PTPRT: variants seen among roughly 807,000 people sequenced by gnomAD.
PTPRT encodes the protein protein tyrosine phosphatase receptor type T, also known as receptor-type tyrosine-protein phosphatase T.
In PTPRT, 56 loss-of-function variants were observed where a neutral mutation model predicts 176.8. The ratio of observed to expected loss-of-function variants is 0.32; its 90% CI spans 0.26 to 0.40. PTPRT has a LOEUF of 0.40. Among genes scored for constraint, PTPRT ranks in the 10% least tolerant of loss-of-function variants. The pLI is 1.00. For synonymous variants in PTPRT, 783 were observed against 739.0 expected (o/e 1.06, Z -0.96); for missense variants, 1,540 against 1,908.2 (o/e 0.81, Z 3.60).
chr20:42,762,792 G>A (rs902032551), intron 5 of PTPRT, among the ~76,000 whole-genome samples: 1 of 152,350 alleles, frequency 6.6e-6, no homozygotes, highest in South Asian at 2.1e-4. Flanking sequence ...GCATTTTACA[G>A]CCTAATCGGT....
At chr20:43,126,098 C>G (rs1004632447) in intron 1 of PTPRT, among the ~76,000 whole-genome samples, 9 of 152,030 alleles carry the variant, frequency 5.9e-5, no homozygotes, top group African/African-American at 1.9e-4. Context: ...CCCTTTAATC[C>G]CAGCACTTTG....
Position 42,074,310 on chromosome 20 carries a change from T to G in PTPRT, c.*6569A>C, listed in dbSNP as rs1252741314. 2 of 231,390 alleles carry G rather than the reference T, an allele frequency of 8.6e-6. No homozygotes were observed. Among genetic ancestry groups the G allele is most frequent in the African/African-American group, 4.4e-5 (2 of 45,220 alleles). 14.3% of individuals were successfully genotyped at this position (231,390 alleles called of 1,614,324 possible). On this transcript the variant is annotated 3_prime_UTR_variant, in exon 31 of 31. Coordinates refer to ENST00000373187, the MANE Select transcript of PTPRT (RefSeq NM_007050.6). ...CATAAGCCCAAAGGCACTGAAGTAA[T>G]TGTACAGAGACTCAATTTTGTAATT...
intron 6 of PTPRT, among the ~76,000 whole-genome samples, chr20:42,753,492 T>C (rs2076791581): frequency 6.6e-6 from 1 of 152,116 alleles, no homozygotes; most frequent in African/African-American, 2.4e-5. Flanking sequence ...TGTAATAAAA[T>C]TACACCTTGA....
At chr20:42,622,505 G>A (rs1225478784) in intron 7 of PTPRT, among the ~76,000 whole-genome samples, 3 of 152,134 alleles carry the variant, frequency 2.0e-5, no homozygotes, top group African/African-American at 7.2e-5. Context: ...TTCCCAAAGT[G>A]CTGGCATTAC....
At chr20:42,139,629 C>T (rs1988530884) in intron 18 of PTPRT, among the ~76,000 whole-genome samples, 1 of 152,242 alleles carries the variant, frequency 6.6e-6, no homozygotes, top group Non-Finnish European at 1.5e-5. Context: ...TGTGCCTGGG[C>T]AGGGGATCCT....
At chr20:42,064,957 G>A in the PTPRT span, among the ~76,000 whole-genome samples, 1 of 152,174 alleles carries the variant, frequency 6.6e-6, no homozygotes. Context: ...GAAGATATGG[G>A]CTATGTAATT....
chr20:42,656,429 T>G (rs1261238967), intron 7 of PTPRT, among the ~76,000 whole-genome samples: 1 of 152,306 alleles, frequency 6.6e-6, no homozygotes, highest in South Asian at 2.1e-4. Context: ...TAAAAGCCAT[T>G]GATTATCAGC....
chr20:42,232,357 T>G (rs1285313544), intron 15 of PTPRT, among the ~76,000 whole-genome samples: 1 of 152,178 alleles, frequency 6.6e-6, no homozygotes, highest in East Asian at 1.9e-4. Flanking sequence ...AAGTCAGTGA[T>G]TCTCTAACAT....
chr20:42,878,919 CTCG>C (rs2078973400), intron 2 of PTPRT, among the ~76,000 whole-genome samples: 1 of 152,130 alleles, frequency 6.6e-6, no homozygotes, highest in Admixed American at 6.5e-5. Flanking sequence ...GTCCCAGCTA[CTCG>C]AGAGGCTGAG....
intron 7 of PTPRT, among the ~76,000 whole-genome samples, chr20:42,549,844 G>A (rs144131358): frequency 2.0e-5 from 3 of 152,054 alleles, no homozygotes; most frequent in African/African-American, 7.2e-5. Flanking sequence ...GTGGAAAATC[G>A]TGGTAGTGGG....
chr20:42,185,934 T>A (rs751627878), intron 16 of PTPRT, among the ~76,000 whole-genome samples: 13 of 152,146 alleles, frequency 8.5e-5, no homozygotes, highest in Admixed American at 2.0e-4. Flanking sequence ...GGTCCTCCTT[T>A]CTTCAGCTTC....
Position 43,080,987 on chromosome 20 carries a change from C to T in PTPRT, c.88+108659G>A, listed in dbSNP as rs528955171. Among the ~76,000 whole-genome samples, 28 of 152,360 alleles carry T rather than the reference C, an allele frequency of 1.8e-4. 1 individual carries two copies. Among genetic ancestry groups the T allele is most frequent in the African/African-American group, 6.3e-4 (26 of 41,592 alleles). Reference sequence around the variant, plus strand: ...GTTACCCTAATACACCATCCTTGCACTTCAGGGATAAATCCAGTGATATAT... The same window carrying T: ...GTTACCCTAATACACCATCCTTGCATTTCAGGGATAAATCCAGTGATATAT... On this transcript the variant is annotated intron_variant, in intron 1 of 30. Coordinates refer to ENST00000373187, the MANE Select transcript of PTPRT (RefSeq NM_007050.6).
intron 1 of PTPRT, among the ~76,000 whole-genome samples, chr20:43,049,870 G>T (rs1339200230): frequency 6.6e-6 from 1 of 152,188 alleles, no homozygotes; most frequent in African/African-American, 2.4e-5. Context: ...GTCACAATTT[G>T]ACTATAGAAA....
At position 42,786,885 on chromosome 20, in the gene PTPRT, C is replaced by T. The variant is rs75393118; in HGVS notation, c.486+4310G>A. ...TCTCAGCTTTGCCAATAATTTGTTACGTGTTCTTGGACTTCACTATGCAAC... is the reference window on the plus strand; with the variant it reads ...TCTCAGCTTTGCCAATAATTTGTTATGTGTTCTTGGACTTCACTATGCAAC... On this transcript the variant is annotated intron_variant, in intron 3 of 30. Transcript: ENST00000373187. 3.7e-4 allele frequency among the ~76,000 whole-genome samples: 56 copies of T among 152,234 alleles called. No individual in the cohort carries two copies. The East Asian group carries it at 9.1e-3, about 25-fold the overall frequency.
chr20:42,191,694 T>C (rs1991009682), intron 16 of PTPRT, among the ~76,000 whole-genome samples: 1 of 152,200 alleles, frequency 6.6e-6, no homozygotes, highest in African/African-American at 2.4e-5. Context: ...TCCATTACCC[T>C]GTGTGACACC....
intron 2 of PTPRT, among the ~76,000 whole-genome samples, chr20:42,828,186 C>T (rs997455042): frequency 6.6e-6 from 1 of 152,136 alleles, no homozygotes; most frequent in Non-Finnish European, 1.5e-5. Flanking sequence ...TTGAGATGGT[C>T]TCAGATGGAG....
At chr20:42,766,826 T>A (rs2145442523) in intron 5 of PTPRT, among the ~76,000 whole-genome samples, 1 of 152,320 alleles carries the variant, frequency 6.6e-6, no homozygotes, top group East Asian at 1.9e-4. Flanking sequence ...CCACTTTCAG[T>A]GACTTAGTGA....
chr20:42,488,486 T>G (rs1026885905), intron 7 of PTPRT, among the ~76,000 whole-genome samples: 2 of 152,226 alleles, frequency 1.3e-5, no homozygotes, highest in Admixed American at 6.5e-5. Context: ...ATTGTTTCAG[T>G]ACTAAGGAGT....
intron 9 of PTPRT, among the ~76,000 whole-genome samples, chr20:42,390,261 T>C (rs2057578854): frequency 2.0e-5 from 3 of 152,210 alleles, no homozygotes; most frequent in African/African-American, 7.2e-5. Context: ...GAGAATGCAA[T>C]CAGTCAATAC....
Sources: allele counts gnomAD v4.1 joint callset (sites outside exome capture counted in the v4.1 genomes callset), GRCh38; gene constraint gnomAD v4.1.1; transcripts MANE v1.5; gene names NCBI Gene and HGNC (gene_info 2026-07-23, HGNC 2026-07-21).